CFAP299: variants seen among roughly 807,000 people sequenced by gnomAD.
CFAP299 encodes the protein cilia and flagella associated protein 299, also known as cilia- and flagella-associated protein 299.
CFAP299 carries 21 observed loss-of-function variants against 27.0 expected under a neutral mutation model. The ratio of observed to expected loss-of-function variants is 0.78; its 90% CI spans 0.55 to 1.12. CFAP299 has a LOEUF of 1.12. CFAP299 is among the 50% of genes most tolerant of loss of function. CFAP299 has a pLI of 0.00. For synonymous variants in CFAP299, 104 were observed against 98.1 expected (o/e 1.06, Z -0.36); for missense variants, 310 against 276.6 (o/e 1.12, Z -0.86).
chr4:80,693,302 G>A (rs375168037), intron 3 of CFAP299, among the ~76,000 whole-genome samples: 1 of 151,788 alleles, frequency 6.6e-6, no homozygotes, highest in African/African-American at 2.4e-5. Context: ...CAACCCAAAT[G>A]TCCAACAATG....
At chr4:80,480,566 G>C (rs1261327743) in intron 2 of CFAP299, among the ~76,000 whole-genome samples, 3 of 152,046 alleles carry the variant, frequency 2.0e-5, no homozygotes, top group Middle Eastern at 3.4e-3. Context: ...TCCAAGTTAA[G>C]TTCCACTTAG....
At chr4:80,438,781 A>G (rs1424595230) in intron 2 of CFAP299, among the ~76,000 whole-genome samples, 1 of 152,224 alleles carries the variant, frequency 6.6e-6, no homozygotes, top group Non-Finnish European at 1.5e-5. Context: ...TGTACTAGTA[A>G]GAGAGAGAAA....
At chr4:80,913,174 G>T (rs1395394583) in intron 4 of CFAP299, among the ~76,000 whole-genome samples, 3 of 152,134 alleles carry the variant, frequency 2.0e-5, no homozygotes, top group East Asian at 1.9e-4. Context: ...AGATAGTAAG[G>T]TTCCAGATAA....
intron 2 of CFAP299, among the ~76,000 whole-genome samples, chr4:80,501,979 T>C (rs1229855635): frequency 1.3e-5 from 2 of 151,960 alleles, no homozygotes; most frequent in Non-Finnish European, 1.5e-5. Context: ...TTGTTTTGGG[T>C]TGTCTATTAT....
intron 2 of CFAP299, among the ~76,000 whole-genome samples, chr4:80,516,339 A>G (rs902076395): frequency 2.6e-5 from 4 of 152,032 alleles, no homozygotes; most frequent in Non-Finnish European, 5.9e-5. Flanking sequence ...GCATTTCTAT[A>G]AAGGAATACC....
At chr4:80,644,785 C>A (rs569434201) in intron 3 of CFAP299, among the ~76,000 whole-genome samples, 78 of 152,260 alleles carry the variant, frequency 5.1e-4, no homozygotes, top group South Asian at 1.0e-3. Flanking sequence ...TGACTCCAAA[C>A]CCACTGCCTG....
At chr4:80,491,725 A>T (rs6534967) in intron 2 of CFAP299, among the ~76,000 whole-genome samples, 52,014 of 151,942 alleles carry the variant, frequency 0.34, 10,779 homozygotes, top group African/African-American at 0.58. Context: ...ATATATCATG[A>T]TTTACTTTCC....
intron 2 of CFAP299, among the ~76,000 whole-genome samples, chr4:80,482,022 A>G (rs1223150866): frequency 6.6e-6 from 1 of 151,970 alleles, no homozygotes; most frequent in African/African-American, 2.4e-5. Flanking sequence ...TGGTTATATG[A>G]GAAAGGATTA....
intron 2 of CFAP299, among the ~76,000 whole-genome samples, chr4:80,526,348 T>C (rs1040402233): frequency 4.6e-5 from 7 of 152,234 alleles, no homozygotes; most frequent in African/African-American, 1.7e-4. Flanking sequence ...GAAAATTAAT[T>C]CTCTTCCTCA....
intron 2 of CFAP299, among the ~76,000 whole-genome samples, chr4:80,450,935 G>C (rs1333768387): frequency 6.6e-6 from 1 of 151,548 alleles, no homozygotes; most frequent in African/African-American, 2.4e-5. Flanking sequence ...GAGCATTTGG[G>C]TGTGTGAGAG....
chr4:80,861,975 T>C (rs542826222), intron 3 of CFAP299, among the ~76,000 whole-genome samples: 10 of 152,296 alleles, frequency 6.6e-5, no homozygotes, highest in Admixed American at 4.6e-4. Context: ...TAAAGCTCAA[T>C]TTTTAAGAAT....
intron 3 of CFAP299, among the ~76,000 whole-genome samples, chr4:80,679,255 C>A (rs1229976497): frequency 6.6e-6 from 1 of 151,988 alleles, no homozygotes; most frequent in Non-Finnish European, 1.5e-5. Flanking sequence ...TATTCCTTTA[C>A]ATTGATGAGT....
At chr4:80,899,608 G>T (rs979597939) in intron 4 of CFAP299, among the ~76,000 whole-genome samples, 62 of 152,288 alleles carry the variant, frequency 4.1e-4, no homozygotes, top group African/African-American at 1.5e-3. Context: ...TGAGAGAGGT[G>T]CTTTTAAACT....
At chr4:80,871,585 C>A (rs1733100931) in intron 4 of CFAP299, 17 of 985,256 alleles carry the variant, frequency 1.7e-5, no homozygotes, top group Non-Finnish European at 1.9e-5. Flanking sequence ...ACCCTTGAAA[C>A]CAAAGGCAAA....
chr4:80,435,156 T>C (rs148385677), intron 2 of CFAP299, among the ~76,000 whole-genome samples: 5 of 152,200 alleles, frequency 3.3e-5, no homozygotes, highest in African/African-American at 1.2e-4. Flanking sequence ...AAAGGAATTA[T>C]AATTGGTGGC....
At chr4:80,611,851 T>C (rs1283616123) in intron 3 of CFAP299, among the ~76,000 whole-genome samples, 1 of 152,128 alleles carries the variant, frequency 6.6e-6, no homozygotes, top group East Asian at 1.9e-4. Context: ...CTGAATTGTG[T>C]CATTACAGCC....
In CFAP299 at chr4:80,468,760, A is replaced by G. The variant is rs186474499; in HGVS notation, c.242+105876A>G. Among the ~76,000 whole-genome samples the G allele has an allele frequency of 1.0e-3, 155 of 147,930 alleles. 2 individuals carry two copies. In the East Asian group the frequency reaches 0.022, roughly 21 times the overall value. ...TGAGGCAGAAGAATCGCTTGAACCC[A>G]GGAGGCAGAGGTTGCAGTGAGCCAA... On this transcript the variant is annotated intron_variant, in intron 2 of 5. Transcript: ENST00000358105.
At chr4:80,963,114 C>T (rs1233733835) in intron 5 of CFAP299, among the ~76,000 whole-genome samples, 2 of 152,042 alleles carry the variant, frequency 1.3e-5, no homozygotes, top group African/African-American at 4.8e-5. Context: ...TGATCTAAAT[C>T]AATCCCAGAC....
At chr4:80,608,496 C>A (rs558948394) in intron 3 of CFAP299, 6 of 567,096 alleles carry the variant, frequency 1.1e-5, no homozygotes, top group African/African-American at 3.7e-5. Flanking sequence ...GAATTACTCA[C>A]CAGCTTGATG....
Sources: gnomAD v4.1 joint callset for allele counts (sites outside exome capture counted in the v4.1 genomes callset) on GRCh38, gnomAD v4.1.1 for gene constraint, MANE v1.5 for transcripts, NCBI Gene and HGNC (gene_info 2026-07-23, HGNC 2026-07-21) for gene names.